RAPGEF2: variants seen among roughly 807,000 people sequenced by gnomAD.
RAPGEF2 encodes Rap guanine nucleotide exchange factor 2, also known as PDZ domain containing guanine nucleotide exchange factor (GEF) 1.
A neutral mutation model predicts 186.7 loss-of-function variants in RAPGEF2; 54 were observed. That is an observed-to-expected ratio of 0.29 (90% CI 0.23 to 0.36). RAPGEF2 has a LOEUF of 0.36. Among genes scored for constraint, RAPGEF2 ranks in the 10% least tolerant of loss-of-function variants. RAPGEF2 has a pLI of 1.00. For missense variants in RAPGEF2, 1,532 were observed against 2,045.0 expected (o/e 0.75, Z 4.84); for synonymous variants, 712 against 705.9 (o/e 1.01, Z -0.14).
At chr4:159,130,597 T>A (rs1037384492) in intron 1 of RAPGEF2, among the ~76,000 whole-genome samples, 1 of 152,222 alleles carries the variant, frequency 6.6e-6, no homozygotes, top group Non-Finnish European at 1.5e-5. Flanking sequence ...TTTATTAAAA[T>A]TAAAAATTTT....
At chr4:159,323,913 T>C (rs539410572) in intron 11 of RAPGEF2, among the ~76,000 whole-genome samples, 1 of 151,154 alleles carries the variant, frequency 6.6e-6, no homozygotes, top group East Asian at 1.9e-4. Context: ...GGGCTTTTTT[T>C]TTTTTGAGAC....
At chr4:159,108,258 A>G (rs569073710) in intron 1 of RAPGEF2, among the ~76,000 whole-genome samples, 1 of 152,354 alleles carries the variant, frequency 6.6e-6, no homozygotes, top group South Asian at 2.1e-4. Flanking sequence ...TAACAGTTCC[A>G]TAATTAGCTT....
chr4:159,125,194 T>C (rs1443808367), intron 1 of RAPGEF2, among the ~76,000 whole-genome samples: 1 of 152,218 alleles, frequency 6.6e-6, no homozygotes, highest in Admixed American at 6.5e-5. Context: ...GGTGCTTTGC[T>C]CAATAAATCT....
intron 8 of RAPGEF2, among the ~76,000 whole-genome samples, chr4:159,305,002 G>A (rs1455052106): frequency 6.6e-6 from 1 of 152,072 alleles, no homozygotes; most frequent in East Asian, 1.9e-4. Context: ...CCATATTGCT[G>A]CAAAAGACAT....
At chr4:159,308,950 T>G (rs1415338647) in intron 8 of RAPGEF2, among the ~76,000 whole-genome samples, 3 of 152,100 alleles carry the variant, frequency 2.0e-5, no homozygotes, top group Admixed American at 1.3e-4. Context: ...GAGAACAAAT[T>G]GACCAGAGAA....
intron 1 of RAPGEF2, among the ~76,000 whole-genome samples, chr4:159,156,005 A>G (rs914183857): frequency 6.6e-6 from 1 of 152,218 alleles, no homozygotes; most frequent in African/African-American, 2.4e-5. Flanking sequence ...TTATTCCCTT[A>G]TAAAAGTTAC....
chr4:159,207,002 A>T (rs906617422), intron 3 of RAPGEF2, among the ~76,000 whole-genome samples: 2 of 152,212 alleles, frequency 1.3e-5, no homozygotes, highest in African/African-American at 4.8e-5. Context: ...CTTAGAAGGG[A>T]TAGCTCAAAG....
intron 1 of RAPGEF2, among the ~76,000 whole-genome samples, chr4:159,186,412 C>A (rs984292956): frequency 1.3e-5 from 2 of 151,948 alleles, no homozygotes; most frequent in African/African-American, 2.4e-5. Flanking sequence ...ATAAGTTAAT[C>A]ATTTTATTTT....
In RAPGEF2 at chr4:159,353,837, C is replaced by T. The variant is rs1223477729; in HGVS notation, c.4442C>T (p.Ala1481Val). 1 of 1,614,184 alleles carries T rather than the reference C, an allele frequency of 6.2e-7. No homozygotes were observed. The highest frequency in any genetic ancestry group is 1.7e-5 in the Admixed American group (1 of 60,026). Residue 1481 changes from alanine to valine, a missense_variant, in exon 28 of 30, where the codon GCC (alanine) becomes GTC (valine). Coordinates refer to ENST00000691494, the MANE Select transcript of RAPGEF2 (RefSeq NM_001394067.2). The surrounding 1 kb of genome is among the most constrained non-coding windows in gnomAD (Gnocchi z 4.3). ...QNQSRESLEQ[A>V]QSRASWASST... ...CAAAGTAGAGAGAGCCTTGAACAAG[C>T]CCAGTCCCGAGCAAGCTGGGCGTCT...
At chr4:159,108,612 T>C (rs1316465143) in intron 1 of RAPGEF2, among the ~76,000 whole-genome samples, 1 of 152,140 alleles carries the variant, frequency 6.6e-6, no homozygotes, top group Non-Finnish European at 1.5e-5. Context: ...AATTTTACTT[T>C]GGACCTGAAA....
chr4:159,130,915 G>A (rs941933699), intron 1 of RAPGEF2, among the ~76,000 whole-genome samples: 2 of 152,094 alleles, frequency 1.3e-5, no homozygotes, highest in Admixed American at 6.5e-5. Context: ...TCACCATGTT[G>A]CCCAGGCTGG....
chr4:159,295,447 G>A (rs529744338), intron 7 of RAPGEF2, among the ~76,000 whole-genome samples: 3 of 151,866 alleles, frequency 2.0e-5, no homozygotes, highest in Non-Finnish European at 2.9e-5. Flanking sequence ...GAATGGTCTG[G>A]CTGTCACTTG....
chr4:159,217,151 C>T (rs1751066086), intron 4 of RAPGEF2, among the ~76,000 whole-genome samples: 1 of 151,964 alleles, frequency 6.6e-6, no homozygotes, highest in African/African-American at 2.4e-5. Flanking sequence ...TGTTTGTTTT[C>T]AAGTGGGATT....
At chr4:159,355,672 A>G (rs1731869758) in intron 28 of RAPGEF2, among the ~76,000 whole-genome samples, 181 bp from the exon 29 acceptor site, 1 of 152,146 alleles carries the variant, frequency 6.6e-6, no homozygotes, top group African/African-American at 2.4e-5. Context: ...CATCATTGTG[A>G]AATTTGGTTT....
chr4:159,282,349 G>A (rs1759832278), intron 7 of RAPGEF2, among the ~76,000 whole-genome samples: 1 of 152,066 alleles, frequency 6.6e-6, no homozygotes, highest in African/African-American at 2.4e-5. Context: ...GATCATAATT[G>A]ATATGAAAAA....
chr4:159,158,728 A>G (rs1378457205), intron 1 of RAPGEF2, among the ~76,000 whole-genome samples: 1 of 152,214 alleles, frequency 6.6e-6, no homozygotes, highest in Non-Finnish European at 1.5e-5. Context: ...TTTTTAATTT[A>G]TGCAATTTGC....
chr4:159,152,369 G>A (rs558481408), intron 1 of RAPGEF2, among the ~76,000 whole-genome samples: 1 of 152,274 alleles, frequency 6.6e-6, no homozygotes, highest in Admixed American at 6.5e-5. Flanking sequence ...TCTCTAGTCT[G>A]TAAATCATTC....
intron 4 of RAPGEF2, among the ~76,000 whole-genome samples, chr4:159,220,664 A>T (rs1168838545): frequency 6.6e-6 from 1 of 151,856 alleles, no homozygotes; most frequent in Non-Finnish European, 1.5e-5. Context: ...CCTTCCCCCT[A>T]CTCTGTGAAT....
At chr4:159,182,061 G>C (rs889054823) in intron 1 of RAPGEF2, among the ~76,000 whole-genome samples, 1 of 152,134 alleles carries the variant, frequency 6.6e-6, no homozygotes, top group Non-Finnish European at 1.5e-5. Context: ...TGTACACTTT[G>C]TTAACTGGAT....
Sources: gnomAD v4.1 joint callset for allele counts (sites outside exome capture counted in the v4.1 genomes callset) on GRCh38, gnomAD v4.1.1 for gene constraint, Gnocchi (gnomAD v3.1) non-coding constraint, MANE v1.5 for transcripts, NCBI Gene and HGNC (gene_info 2026-07-23, HGNC 2026-07-21) for gene names.